The following MAML3 variants were observed in gnomAD, a reference collection of about 807,000 sequenced individuals.
MAML3 encodes the protein mastermind like transcriptional coactivator 3.
Under a neutral mutation model 101.9 loss-of-function variants are expected in MAML3, and 27 were observed. The ratio of observed to expected loss-of-function variants is 0.27; its 90% CI spans 0.20 to 0.37. The LOEUF is 0.37. Ranked by LOEUF, MAML3 falls within the 10% of genes least tolerant of loss-of-function variation. The pLI is 1.00. For synonymous variants in MAML3, 501 were observed against 555.9 expected (o/e 0.90, Z 1.39); for missense variants, 1,316 against 1,444.9 (o/e 0.91, Z 1.45).
intron 1 of MAML3, among the ~76,000 whole-genome samples, chr4:140,143,832 T>C (rs962017351): frequency 1.3e-5 from 2 of 152,086 alleles, no homozygotes; most frequent in South Asian, 2.1e-4. Context: ...AGCCAGAACA[T>C]CATACCACGT....
At chr4:140,137,900 G>A (rs1015487157) in intron 1 of MAML3, among the ~76,000 whole-genome samples, 5 of 152,212 alleles carry the variant, frequency 3.3e-5, no homozygotes, top group African/African-American at 7.2e-5. Context: ...TGGAGGGCAC[G>A]AAGGCATGAT....
chr4:140,045,471 T>C (rs1330558744), intron 1 of MAML3, among the ~76,000 whole-genome samples: 1 of 152,092 alleles, frequency 6.6e-6, no homozygotes, highest in African/African-American at 2.4e-5. Flanking sequence ...TTTTTTAATA[T>C]TGCAATCAAT....
chr4:139,873,578 G>A (rs536715900), intron 2 of MAML3, among the ~76,000 whole-genome samples: 115 of 152,344 alleles, frequency 7.5e-4, no homozygotes, highest in Admixed American at 1.4e-3. Flanking sequence ...TCGATAGTAT[G>A]TCATGAAATG....
At chr4:139,928,321 G>A (rs760027084) in intron 1 of MAML3, among the ~76,000 whole-genome samples, 29 of 152,192 alleles carry the variant, frequency 1.9e-4, no homozygotes, top group Non-Finnish European at 4.4e-5. Flanking sequence ...CATGTACCAC[G>A]CTGAAGGCCG....
chr4:139,726,316 A>G lies in MAML3; in HGVS notation c.2332-481T>C, dbSNP rs566425827. Among the ~76,000 whole-genome samples the G allele has an allele frequency of 5.3e-5, 8 of 152,346 alleles. No individual in the cohort carries two copies. The South Asian group carries it at 1.4e-3, about 28-fold the overall frequency. On this transcript the variant is annotated intron_variant, in intron 3 of 4. Transcript: ENST00000509479. ...TAGTATTCCATCATATGAATATACC[A>G]TAATTTATTTACCCATTCTACTAGT...
intron 1 of MAML3, among the ~76,000 whole-genome samples, chr4:140,026,717 T>C (rs1726831315): frequency 6.6e-6 from 1 of 152,184 alleles, no homozygotes; most frequent in Admixed American, 6.5e-5. Context: ...AGCTTTTTGC[T>C]TTTGATCACA....
At chr4:139,745,454 G>A (rs1221607956) in intron 2 of MAML3, among the ~76,000 whole-genome samples, 4 of 152,226 alleles carry the variant, frequency 2.6e-5, no homozygotes, top group Admixed American at 2.6e-4. Flanking sequence ...ATCCCATCAG[G>A]AGGTGAGGGG....
rs532204098 is a variant in MAML3 at position 140,001,485 on chromosome 4, G to A, written c.469-110518C>T. Among the ~76,000 whole-genome samples, 12 of 152,236 alleles carry A rather than the reference G, an allele frequency of 7.9e-5. No homozygotes were observed. In the Middle Eastern group the frequency reaches 0.014, roughly 173 times the overall value. On this transcript the variant is annotated intron_variant, in intron 1 of 4. Coordinates refer to ENST00000509479, the MANE Select transcript of MAML3 (RefSeq NM_018717.5). ...AGAAAAAGTCAAAGTTGTTGGGGTC[G>A]GCACAGAGCTGTGTTTAAGACACCG...
chr4:139,864,692 A>AAG (rs1553961047), intron 2 of MAML3, among the ~76,000 whole-genome samples: 2 of 150,138 alleles, frequency 1.3e-5, no homozygotes, highest in African/African-American at 2.4e-5. Flanking sequence ...AAAAAAAAAA[A>AAG]AAAAAAAGAA....
chr4:139,822,058 G>C (rs2111123344), intron 2 of MAML3, among the ~76,000 whole-genome samples: 1 of 152,104 alleles, frequency 6.6e-6, no homozygotes, highest in East Asian at 1.9e-4. Context: ...TGGAAGTCAG[G>C]ATAATCATCA....
At chr4:139,759,629 G>A (rs1031185683) in intron 2 of MAML3, among the ~76,000 whole-genome samples, 42 of 152,270 alleles carry the variant, frequency 2.8e-4, no homozygotes, top group Middle Eastern at 3.4e-3. Flanking sequence ...CTCTAGGATT[G>A]TTAGACAGCC....
intron 1 of MAML3, among the ~76,000 whole-genome samples, chr4:139,985,165 C>A (rs1344127093): frequency 6.6e-6 from 1 of 152,124 alleles, no homozygotes. Flanking sequence ...AAAAACAGGC[C>A]AAGCTGACAG....
chr4:139,935,729 T>G (rs1309798900), intron 1 of MAML3, among the ~76,000 whole-genome samples: 2 of 152,148 alleles, frequency 1.3e-5, no homozygotes, highest in Non-Finnish European at 2.9e-5. Context: ...TTCTGCTAAT[T>G]TTTTCCAGCT....
chr4:139,873,282 C>G (rs749239457), intron 2 of MAML3, among the ~76,000 whole-genome samples: 2 of 152,158 alleles, frequency 1.3e-5, no homozygotes, highest in Non-Finnish European at 2.9e-5. Context: ...GATTTCATCC[C>G]TCCTCTCACT....
intron 2 of MAML3, among the ~76,000 whole-genome samples, chr4:139,750,004 G>C (rs28421828): frequency 0.031 from 4,668 of 151,756 alleles, 196 homozygotes; most frequent in East Asian, 0.2. Context: ...GATTATTCAT[G>C]TCACTAGAGT....
intron 1 of MAML3, among the ~76,000 whole-genome samples, chr4:139,978,227 G>C (rs1431239581): frequency 3.3e-5 from 5 of 152,158 alleles, no homozygotes; most frequent in South Asian, 4.1e-4. Context: ...TCTCTCTCTT[G>C]ATTTCAGCCT....
At chr4:139,900,696 T>C (rs1028516006) in intron 1 of MAML3, among the ~76,000 whole-genome samples, 1 of 152,248 alleles carries the variant, frequency 6.6e-6, no homozygotes, top group Non-Finnish European at 1.5e-5. Context: ...ACTGTTATCT[T>C]TGCAAATGCT....
At chr4:139,885,355 ATGATAG>A (rs1325201109) in intron 2 of MAML3, among the ~76,000 whole-genome samples, 3 of 152,052 alleles carry the variant, frequency 2.0e-5, no homozygotes, top group African/African-American at 7.2e-5. Context: ...GCAGTGAGCT[ATGATAG>A]TGCCACTACA....
chr4:139,961,524 T>A (rs546691266), intron 1 of MAML3, among the ~76,000 whole-genome samples: 2 of 152,276 alleles, frequency 1.3e-5, no homozygotes, highest in African/African-American at 4.8e-5. Context: ...TGGGCCCCCC[T>A]TTTTGGAAGT....
Sources: allele counts gnomAD v4.1 joint callset (sites outside exome capture counted in the v4.1 genomes callset), GRCh38; gene constraint gnomAD v4.1.1; transcripts MANE v1.5; gene names NCBI Gene and HGNC (gene_info 2026-07-23, HGNC 2026-07-21).